The following HIF1A variants were observed in gnomAD, a reference collection of about 807,000 sequenced individuals.
HIF1A encodes hypoxia-inducible factor 1-alpha.
Under a neutral mutation model 92.7 loss-of-function variants are expected in HIF1A, and 24 were observed. The ratio of observed to expected loss-of-function variants is 0.26; its 90% CI spans 0.19 to 0.36. The LOEUF is 0.36. HIF1A is among the 10% of genes least tolerant of loss of function. The probability of loss-of-function intolerance (pLI) is 1.00; values close to 1 mark genes in which losing one functional copy is unlikely to be tolerated. For synonymous variants in HIF1A, 319 were observed against 338.7 expected (o/e 0.94, Z 0.64); for missense variants, 799 against 998.5 (o/e 0.80, Z 2.69).
chr14:61,703,512 C>A (rs1378177849), intron 1 of HIF1A, among the ~76,000 whole-genome samples: 1 of 151,958 alleles, frequency 6.6e-6, no homozygotes, highest in Non-Finnish European at 1.5e-5. Flanking sequence ...GGCTTGTATA[C>A]CTTTGCTCTA....
chr14:61,717,682 C>G (rs758622818), intron 1 of HIF1A, among the ~76,000 whole-genome samples: 2 of 152,152 alleles, frequency 1.3e-5, no homozygotes, highest in African/African-American at 4.8e-5. Flanking sequence ...CTGGACGATA[C>G]GTGTATTACA....
At chr14:61,735,738 G>T (rs1010036032) in intron 8 of HIF1A, among the ~76,000 whole-genome samples, 1 of 152,118 alleles carries the variant, frequency 6.6e-6, no homozygotes, top group African/African-American at 2.4e-5. Flanking sequence ...CCTGTAGGTG[G>T]TATCACCTTA....
intron 7 of HIF1A, among the ~76,000 whole-genome samples, chr14:61,733,885 A>C (rs994842587): frequency 2.0e-5 from 3 of 152,164 alleles, no homozygotes; most frequent in Non-Finnish European, 4.4e-5. Flanking sequence ...GTTACTGAAG[A>C]TTGTATATTC....
chr14:61,720,142 G>C (rs917508179), intron 1 of HIF1A, among the ~76,000 whole-genome samples: 4 of 152,130 alleles, frequency 2.6e-5, no homozygotes, highest in African/African-American at 9.7e-5. Context: ...GCTTCCGACA[G>C]GTTTAAAGCT....
chr14:61,706,162 G>A (rs2301107), intron 1 of HIF1A, among the ~76,000 whole-genome samples: 2,587 of 152,244 alleles, frequency 0.017, 111 homozygotes, highest in East Asian at 0.15. Context: ...AAGCTGAGAA[G>A]GAAGCAATGC....
At position 61,720,536 on chromosome 14, in the gene HIF1A, A is replaced by G. The variant is rs757398838; in HGVS notation, c.190A>G (p.Ile64Val). The change falls in exon 2 of 15, where the codon ATC (isoleucine) becomes GTC (valine). Residue 64 changes from isoleucine to valine, a missense_variant. Physicochemically the swap from Ile to Val is conservative, Grantham distance 29. Coordinates refer to ENST00000337138, the MANE Select transcript of HIF1A (RefSeq NM_001530.4). Reference protein sequence around the residue: ...LDKASVMRLTISYLRVRKLLD... With the variant: ...LDKASVMRLTVSYLRVRKLLD... Reference sequence around the variant, plus strand: ...TAAGGCCTCTGTGATGAGGCTTACCATCAGCTATTTGCGTGTGAGGAAACT... The same window carrying G: ...TAAGGCCTCTGTGATGAGGCTTACCGTCAGCTATTTGCGTGTGAGGAAACT... 2 of 1,609,498 alleles carry G rather than the reference A, an allele frequency of 1.2e-6. No homozygotes were observed. Among genetic ancestry groups the G allele is most frequent in the East Asian group, 2.2e-5 (1 of 44,666 alleles).
At chr14:61,744,670 C>T (rs778376018) in intron 12 of HIF1A, 35 bp from the exon 13 acceptor site, 22 of 861,220 alleles carry the variant, frequency 2.6e-5, no homozygotes, top group Middle Eastern at 2.8e-4. Context: ...TTTTTAAAAA[C>T]GCTATATTTT....
intron 14 of HIF1A, 22 bp downstream of exon 14, chr14:61,745,839 T>C: frequency 2.5e-6 from 4 of 1,579,974 alleles, no homozygotes; most frequent in South Asian, 1.1e-5. Context: ...CTTTTTGACC[T>C]TGAACATCAC....
At chr14:61,746,163 G>T (rs569272447) in intron 14 of HIF1A, among the ~76,000 whole-genome samples, 24 of 149,512 alleles carry the variant, frequency 1.6e-4, no homozygotes, top group Non-Finnish European at 3.1e-4. Flanking sequence ...GGCAGAGGTT[G>T]CAGTGAGCCA....
intron 10 of HIF1A, among the ~76,000 whole-genome samples, chr14:61,739,798 A>G (rs2140155415): frequency 6.6e-6 from 1 of 152,282 alleles, no homozygotes; most frequent in Non-Finnish European, 1.5e-5. Flanking sequence ...CCCCGACAGT[A>G]ACAGTGAGAT....
chr14:61,720,163 C>CT (rs1176975673), intron 1 of HIF1A, among the ~76,000 whole-genome samples: 1 of 152,178 alleles, frequency 6.6e-6, no homozygotes, highest in Non-Finnish European at 1.5e-5. Flanking sequence ...TGGTTTTGGA[C>CT]TTTTTGTGAG....
chr14:61,712,195 G>A (rs1050110571), intron 1 of HIF1A, among the ~76,000 whole-genome samples: 23 of 152,178 alleles, frequency 1.5e-4, no homozygotes, highest in South Asian at 1.0e-3. Context: ...TGAAAAAGGT[G>A]GAGAAGCAAG....
At chr14:61,706,896 G>A (rs2044244714) in intron 1 of HIF1A, among the ~76,000 whole-genome samples, 1 of 152,088 alleles carries the variant, frequency 6.6e-6, no homozygotes, top group Admixed American at 6.5e-5. Context: ...TCTATATTTG[G>A]GGGAAAAAAG....
intron 1 of HIF1A, among the ~76,000 whole-genome samples, chr14:61,710,464 C>G (rs2044294164): frequency 6.6e-6 from 1 of 152,140 alleles, no homozygotes. Flanking sequence ...ATAACATTCT[C>G]TAACATGTGG....
intron 8 of HIF1A, among the ~76,000 whole-genome samples, chr14:61,735,706 C>G (rs1230554395): frequency 6.6e-6 from 1 of 152,172 alleles, no homozygotes; most frequent in Admixed American, 6.5e-5. Flanking sequence ...AACTATTGCT[C>G]ATCATCCCTC....
chr14:61,721,047 C>T (rs925599513), intron 2 of HIF1A, among the ~76,000 whole-genome samples: 1 of 152,028 alleles, frequency 6.6e-6, no homozygotes. Flanking sequence ...CAAGACCAGC[C>T]TGGCCAAGAT....
chr14:61,731,044 C>T (rs190157960), intron 6 of HIF1A, among the ~76,000 whole-genome samples: 2 of 152,134 alleles, frequency 1.3e-5, no homozygotes, highest in Admixed American at 1.3e-4. Context: ...TCAGCTTTTC[C>T]TTTGTATATT....
chr14:61,702,395 G>A (rs951452638), intron 1 of HIF1A, among the ~76,000 whole-genome samples: 4 of 148,730 alleles, frequency 2.7e-5, no homozygotes, highest in African/African-American at 5.0e-5. Flanking sequence ...AGCCAAGATC[G>A]CGCCACTGCA....
At chr14:61,739,334 A>G (rs985551348) in intron 10 of HIF1A, among the ~76,000 whole-genome samples, 4 of 152,224 alleles carry the variant, frequency 2.6e-5, no homozygotes, top group African/African-American at 9.6e-5. Context: ...ACAGGGCTCT[A>G]TTTCTAAATC....
Sources: gnomAD v4.1 joint callset for allele counts (sites outside exome capture counted in the v4.1 genomes callset) on GRCh38, gnomAD v4.1.1 for gene constraint, MANE v1.5 for transcripts, NCBI Gene and HGNC (gene_info 2026-07-23, HGNC 2026-07-21) for gene names.